AIG1: variants seen among roughly 807,000 people sequenced by gnomAD.
The protein encoded by AIG1 is androgen-induced gene 1 protein.
A neutral mutation model predicts 31.4 loss-of-function variants in AIG1; 23 were observed. The ratio of observed to expected loss-of-function variants is 0.73; its 90% CI spans 0.53 to 1.04. The LOEUF is 1.04. Ranked by LOEUF, AIG1 falls within the 50% of genes least tolerant of loss-of-function variation. The pLI is 0.00. For synonymous variants in AIG1, 100 were observed against 110.5 expected, an observed-to-expected ratio of 0.90 and a Z score of 0.60; for missense variants, 274 against 295.0, an observed-to-expected ratio of 0.93 and a Z score of 0.52.
intron 3 of AIG1, among the ~76,000 whole-genome samples, chr6:143,238,004 G>A (rs536110494): frequency 2.0e-5 from 3 of 152,004 alleles, no homozygotes; most frequent in Non-Finnish European, 2.9e-5. Context: ...GCAGTGGCAC[G>A]ATCTCAGCTC....
chr6:143,145,502 C>T (rs1211555845), intron 2 of AIG1, among the ~76,000 whole-genome samples: 1 of 151,728 alleles, frequency 6.6e-6, no homozygotes, highest in Non-Finnish European at 1.5e-5. Flanking sequence ...GAGCCCTCCC[C>T]CAGTGTATGT....
chr6:143,162,694 T>G (rs1786508063), intron 2 of AIG1, among the ~76,000 whole-genome samples: 1 of 152,168 alleles, frequency 6.6e-6, no homozygotes, highest in Non-Finnish European at 1.5e-5. Context: ...CCAGACCAAA[T>G]GTAAACCTTT....
At chr6:143,189,569 G>C in intron 3 of AIG1, 1 of 985,298 alleles carries the variant, frequency 1.0e-6, no homozygotes, top group African/African-American at 1.7e-5. Context: ...TGGTAAGTTT[G>C]CATGGAAAGT....
chr6:143,082,214 C>G (rs757524802), intron 1 of AIG1, among the ~76,000 whole-genome samples: 1 of 152,168 alleles, frequency 6.6e-6, no homozygotes, highest in South Asian at 2.1e-4. Context: ...CAGCTGAGTG[C>G]TAGTTCCTGG....
chr6:143,071,566 G>A (rs921202056), intron 1 of AIG1, among the ~76,000 whole-genome samples: 2 of 152,166 alleles, frequency 1.3e-5, no homozygotes, highest in African/African-American at 4.8e-5. Context: ...ATATGTGACA[G>A]ATAAAATTTA....
At chr6:143,069,615 T>C (rs994565363) in intron 1 of AIG1, among the ~76,000 whole-genome samples, 6 of 152,214 alleles carry the variant, frequency 3.9e-5, no homozygotes, top group Admixed American at 1.3e-4. Context: ...TAATAATATA[T>C]TCATGTTCTT....
In AIG1 at chr6:143,109,591, A is replaced by G. The variant is rs111873910; in HGVS notation, c.142-27244A>G. On this transcript the variant is annotated intron_variant, in intron 1 of 5. Transcript: ENST00000357847. ...TAGCTATTCTATTGGCTATGCAGTA[A>G]TCTTTTGTTGTGATTTTAATTTGGA... 1.4e-3 allele frequency among the ~76,000 whole-genome samples: 213 copies of G among 152,016 alleles called. 1 individual carries two copies. The highest frequency in any genetic ancestry group is 4.9e-3 in the African/African-American group (202 of 41,478).
At chr6:143,112,127 T>G (rs1481285368) in intron 1 of AIG1, among the ~76,000 whole-genome samples, 1 of 152,192 alleles carries the variant, frequency 6.6e-6, no homozygotes, top group East Asian at 1.9e-4. Flanking sequence ...CTCCTTCTGC[T>G]TCTCTAGTCT....
intron 4 of AIG1, among the ~76,000 whole-genome samples, chr6:143,308,905 C>A (rs1464855852): frequency 2.0e-5 from 3 of 151,856 alleles, no homozygotes; most frequent in Non-Finnish European, 4.4e-5. Context: ...AGTGTAACAT[C>A]CATAGGGGTG....
chr6:143,261,277 A>G (rs1013038151), intron 3 of AIG1, among the ~76,000 whole-genome samples: 32 of 152,166 alleles, frequency 2.1e-4, no homozygotes, highest in African/African-American at 7.2e-4. Flanking sequence ...GATTCCAGGC[A>G]CACACCACCA....
intron 3 of AIG1, among the ~76,000 whole-genome samples, chr6:143,210,610 A>G (rs540732250): frequency 7.5e-4 from 115 of 152,356 alleles, no homozygotes; most frequent in Non-Finnish European, 1.3e-3. Flanking sequence ...GTAACATTGT[A>G]GAAAGGCTGC....
chr6:143,201,485 A>AT (rs1790693116), intron 3 of AIG1, among the ~76,000 whole-genome samples: 1 of 152,182 alleles, frequency 6.6e-6, no homozygotes, highest in East Asian at 1.9e-4. Context: ...TGCGCTATAT[A>AT]TTTTTAAAGG....
chr6:143,130,479 G>A (rs1255924273), intron 1 of AIG1, among the ~76,000 whole-genome samples: 1 of 151,932 alleles, frequency 6.6e-6, no homozygotes, highest in African/African-American at 2.4e-5. Context: ...CACTTTGGGA[G>A]GCTGAGGCGG....
intron 3 of AIG1, among the ~76,000 whole-genome samples, chr6:143,230,974 A>G (rs751763361): frequency 1.3e-5 from 2 of 152,202 alleles, no homozygotes; most frequent in Admixed American, 6.5e-5. Flanking sequence ...GCTTAATCAC[A>G]TCACATGTGG....
intron 4 of AIG1, among the ~76,000 whole-genome samples, chr6:143,301,303 T>C (rs1041797153): frequency 5.3e-5 from 8 of 152,196 alleles, no homozygotes; most frequent in Non-Finnish European, 7.4e-5. Context: ...CCCTTTATTG[T>C]GTGGCATTTG....
intron 4 of AIG1, among the ~76,000 whole-genome samples, chr6:143,286,505 G>T (rs200610091): frequency 6.6e-6 from 1 of 152,114 alleles, no homozygotes; most frequent in African/African-American, 2.4e-5. Flanking sequence ...TGGCCCTCAC[G>T]TCATGTCCCA....
chr6:143,331,202 A>G lies in AIG1; in HGVS notation c.516-2080A>G, dbSNP rs1219841934. On this transcript the variant is annotated intron_variant, in intron 4 of 5. Transcript: ENST00000357847. The surrounding 1 kb of genome is among the most constrained non-coding windows in gnomAD (Gnocchi z 4.1). ...TTTTTATTGTGCTAAAATATACATA[A>G]CATAATATTTGTCATTTTAGCTATT... Among the ~76,000 whole-genome samples the G allele has an allele frequency of 8.5e-5, 13 of 152,110 alleles. No individual in the cohort carries two copies.
At chr6:143,305,369 T>C (rs1434492969) in intron 4 of AIG1, among the ~76,000 whole-genome samples, 1 of 152,214 alleles carries the variant, frequency 6.6e-6, no homozygotes, top group East Asian at 1.9e-4. Flanking sequence ...TTTAGTGCTA[T>C]AAATTTCCCT....
At chr6:143,264,210 C>T (rs1189888017) in intron 3 of AIG1, among the ~76,000 whole-genome samples, 1 of 152,084 alleles carries the variant, frequency 6.6e-6, no homozygotes, top group African/African-American at 2.4e-5. Flanking sequence ...AATTTTTTCG[C>T]CCCTTTCATC....
Sources: gnomAD v4.1 joint callset for allele counts (sites outside exome capture counted in the v4.1 genomes callset) on GRCh38, gnomAD v4.1.1 for gene constraint, Gnocchi (gnomAD v3.1) non-coding constraint, MANE v1.5 for transcripts, NCBI Gene and HGNC (gene_info 2026-07-23, HGNC 2026-07-21) for gene names.